The following ANKRD12 variants were observed in gnomAD, a reference collection of about 807,000 sequenced individuals.
ANKRD12 encodes the protein ankyrin repeat domain 12.
Under a neutral mutation model 183.4 loss-of-function variants are expected in ANKRD12, and 85 were observed. That is an observed-to-expected ratio of 0.46 (90% CI 0.39 to 0.56). ANKRD12 has a LOEUF of 0.56. Among genes scored for constraint, ANKRD12 ranks in the 20% least tolerant of loss-of-function variants. The pLI, the probability that ANKRD12 is intolerant of heterozygous loss-of-function variation, is 0.00. For synonymous variants in ANKRD12, 914 were observed against 800.2 expected (o/e 1.14, Z -2.40); for missense variants, 2,405 against 2,357.1 (o/e 1.02, Z -0.42).
intron 1 of ANKRD12, among the ~76,000 whole-genome samples, chr18:9,142,222 T>C (rs2078342996): frequency 6.6e-6 from 1 of 152,228 alleles, no homozygotes; most frequent in Admixed American, 6.5e-5. Context: ...GAAATAGCTA[T>C]ATTGACTCTC....
intron 1 of ANKRD12, among the ~76,000 whole-genome samples, chr18:9,162,520 T>A (rs2031562688): frequency 6.6e-6 from 1 of 152,224 alleles, no homozygotes; most frequent in Non-Finnish European, 1.5e-5. Flanking sequence ...TACACATGCA[T>A]GTATCTTTGT....
Position 9,258,570 on chromosome 18 carries a change from G to A in ANKRD12, c.5303G>A (p.Arg1768Lys). 1 of 1,613,784 alleles carries A rather than the reference G, an allele frequency of 6.2e-7. No homozygotes were observed. Among genetic ancestry groups the A allele is most frequent in the Non-Finnish European group, 8.5e-7 (1 of 1,179,898 alleles). ...SEKDSESSSP[R>K]GRIRLTEDDD... ...AAAGACAGTGAATCCTCATCTCCTAGAGGAAGAATAAGATTAACTGAAGAT... is the reference window on the plus strand; with the variant it reads ...AAAGACAGTGAATCCTCATCTCCTAAAGGAAGAATAAGATTAACTGAAGAT... The change falls in exon 9 of 13, where the codon AGA becomes AAA. Residue 1768 changes from arginine (R) to lysine (K), a missense_variant. Around this residue, in one of 7 missense-constraint regions of ANKRD12, gnomAD observed 1,983 missense variants for 1,725.9 expected, o/e 1.15. Transcript: ENST00000262126.
chr18:9,186,960 C>T (rs2034121525), intron 2 of ANKRD12, among the ~76,000 whole-genome samples: 2 of 151,908 alleles, frequency 1.3e-5, no homozygotes, highest in Non-Finnish European at 2.9e-5. Context: ...ACCGTGTTAG[C>T]CAGGATGGTC....
intron 8 of ANKRD12, among the ~76,000 whole-genome samples, chr18:9,241,479 A>C (rs1208517016): frequency 6.6e-6 from 1 of 152,202 alleles, no homozygotes; most frequent in Non-Finnish European, 1.5e-5. Flanking sequence ...AAGCAGGACT[A>C]TTAGCTACCT....
chr18:9,163,414 G>A (rs1353601751), intron 1 of ANKRD12, among the ~76,000 whole-genome samples: 1 of 152,088 alleles, frequency 6.6e-6, no homozygotes, highest in Non-Finnish European at 1.5e-5. Context: ...GTCTGTTTTT[G>A]TACCAGTACC....
intron 9 of ANKRD12, chr18:9,259,603 C>T (rs1013858250): frequency 1.3e-5 from 2 of 152,094 alleles, no homozygotes; most frequent in Non-Finnish European, 2.9e-5. Context: ...TTAGTTGTGT[C>T]AAATATTGTT....
intron 10 of ANKRD12, 29 bp from the exon 11 acceptor site, chr18:9,275,495 T>A: frequency 1.9e-6 from 3 of 1,589,120 alleles, no homozygotes; most frequent in Non-Finnish European, 2.6e-6. Flanking sequence ...TTGAAGAATT[T>A]ATTTTTTTTT....
intron 4 of ANKRD12, among the ~76,000 whole-genome samples, chr18:9,207,136 G>C (rs1049401688): frequency 2.6e-5 from 4 of 151,968 alleles, no homozygotes; most frequent in East Asian, 1.9e-4. Flanking sequence ...AGAGAACCAA[G>C]ATATGCAGAA....
intron 2 of ANKRD12, among the ~76,000 whole-genome samples, chr18:9,195,338 A>T (rs1193650368): frequency 6.6e-6 from 1 of 152,212 alleles, no homozygotes; most frequent in East Asian, 1.9e-4. Context: ...TAAAATATTT[A>T]AAAATAAATA....
chr18:9,239,364 T>C, intron 8 of ANKRD12: 1 of 228,086 alleles, frequency 4.4e-6, no homozygotes, highest in South Asian at 1.0e-4. Flanking sequence ...AAGGGAGGTA[T>C]TTTATTTCAA....
At chr18:9,208,355 T>C (rs544316815) in intron 4 of ANKRD12, among the ~76,000 whole-genome samples, 40 of 152,166 alleles carry the variant, frequency 2.6e-4, no homozygotes, top group Non-Finnish European at 5.4e-4. Context: ...TGCACTGTTA[T>C]CAAGGAATTA....
intron 8 of ANKRD12, among the ~76,000 whole-genome samples, chr18:9,248,480 C>T (rs1002837902): frequency 6.6e-6 from 1 of 152,172 alleles, no homozygotes; most frequent in African/African-American, 2.4e-5. Flanking sequence ...CTTTAATTTT[C>T]CTCTGCTTCA....
rs1010817255 is a variant in ANKRD12 at position 9,163,393 on chromosome 18, T to G, written c.-51-18989T>G. 2.6e-5 allele frequency among the ~76,000 whole-genome samples: 4 copies of G among 152,300 alleles called. No individual in the cohort carries two copies. In the South Asian group the frequency reaches 8.3e-4, roughly 32 times the overall value. On this transcript the variant is annotated intron_variant, in intron 1 of 12. Transcript: ENST00000262126. ...TTTCTGAGTTCTCTGTTTTGTTCCA[T>G]TGGTCTGTGTGTCTGTTTTTGTACC...
At chr18:9,146,640 A>G (rs549344713) in intron 1 of ANKRD12, among the ~76,000 whole-genome samples, 4 of 152,228 alleles carry the variant, frequency 2.6e-5, no homozygotes, top group Non-Finnish European at 4.4e-5. Flanking sequence ...ATACAGTGAA[A>G]TTACTCTGTT....
intron 1 of ANKRD12, among the ~76,000 whole-genome samples, chr18:9,172,331 A>G (rs2032820832): frequency 6.6e-6 from 1 of 151,928 alleles, no homozygotes; most frequent in Non-Finnish European, 1.5e-5. Context: ...ATTTGATTCC[A>G]TTCTTCTCCT....
chr18:9,186,736 A>C (rs1400482606), intron 2 of ANKRD12, among the ~76,000 whole-genome samples: 1 of 135,670 alleles, frequency 7.4e-6, no homozygotes, highest in Non-Finnish European at 1.6e-5. Flanking sequence ...TGCAATGTGT[A>C]TTTCTTTGAT....
At chr18:9,173,214 C>T (rs1276791209) in intron 1 of ANKRD12, among the ~76,000 whole-genome samples, 4 of 152,008 alleles carry the variant, frequency 2.6e-5, no homozygotes, top group Non-Finnish European at 2.9e-5. Flanking sequence ...GGATTACAGG[C>T]GCCTGCCACC....
chr18:9,229,247 A>T (rs755704876), intron 8 of ANKRD12, among the ~76,000 whole-genome samples: 2 of 151,684 alleles, frequency 1.3e-5, no homozygotes, highest in South Asian at 4.2e-4. Context: ...GCTTTGTTCT[A>T]TTTGCTCAGG....
intron 8 of ANKRD12, among the ~76,000 whole-genome samples, chr18:9,225,469 C>CT (rs1156917777): frequency 6.1e-5 from 3 of 48,850 alleles, no homozygotes; most frequent in African/African-American, 1.9e-4. Flanking sequence ...GCCAGACTAT[C>CT]TTTAAAAAAA....
Sources: allele counts gnomAD v4.1 joint callset (sites outside exome capture counted in the v4.1 genomes callset), GRCh38; gene constraint gnomAD v4.1.1; regional missense constraint gnomAD v4.1.1; transcripts MANE v1.5; gene names NCBI Gene and HGNC (gene_info 2026-07-23, HGNC 2026-07-21).